HINFP: variants seen among roughly 807,000 people sequenced by gnomAD.
HINFP encodes MBD2 (methyl-CpG-binding protein)-interacting zinc finger protein.
A neutral mutation model predicts 50.1 loss-of-function variants in HINFP; 20 were observed. The ratio of observed to expected loss-of-function variants is 0.40; its 90% CI spans 0.28 to 0.58. The LOEUF (loss-of-function observed/expected upper bound fraction) is 0.58, where lower values mean the gene tolerates loss of function less well. HINFP is among the 20% of genes least tolerant of loss of function. The probability of loss-of-function intolerance (pLI) is 0.45; values close to 1 mark genes in which losing one functional copy is unlikely to be tolerated. For synonymous variants in HINFP, 247 were observed against 243.7 expected (o/e 1.01, Z -0.13); for missense variants, 505 against 664.1 (o/e 0.76, Z 2.63).
At chr11:119,129,551 C>T (rs539055543) in intron 2 of HINFP, among the ~76,000 whole-genome samples, 1 of 149,494 alleles carries the variant, frequency 6.7e-6, no homozygotes, top group Non-Finnish European at 1.5e-5. Flanking sequence ...AGGTCCGCCT[C>T]CCGGGTTCAT....
At chr11:119,133,283 T>TA (rs1304462204) in intron 9 of HINFP, 64 bp downstream of exon 9, 7 of 1,595,606 alleles carry the variant, frequency 4.4e-6, no homozygotes, top group Non-Finnish European at 6.0e-6. Context: ...CAACCAGTTT[T>TA]AAAAACCTTA....
chr11:119,131,366 G>T lies in HINFP; in HGVS notation c.412-169G>T, dbSNP rs1947743759. On this transcript the variant is annotated intron_variant, in intron 3 of 9. Coordinates refer to ENST00000350777, the MANE Select transcript of HINFP (RefSeq NM_198971.3). The surrounding 1 kb of genome is among the most constrained non-coding windows in gnomAD (Gnocchi z 4.2). ...AGCCTCTCAAAGTGCTGGGATTACA[G>T]GGTTTAGCAACCGCACCCGGCCACT... 2 of 631,178 alleles carry T rather than the reference G, an allele frequency of 3.2e-6. No individual in the cohort carries two copies. The highest frequency in any genetic ancestry group is 1.8e-5 in the African/African-American group (1 of 55,410). 39.1% of individuals were successfully genotyped at this position (631,178 alleles called of 1,614,324 possible). A position where few individuals can be genotyped will look rare whatever the true frequency, so the allele number is the denominator to read the frequency against.
chr11:119,132,798 A>T lies in HINFP; in HGVS notation c.875+17A>T, dbSNP rs765889765. ...TGACTACAGGTAAGGGGGACCAGGG[A>T]CCAGAAAACAGCTCATGTTCCAGTG... On this transcript the variant is annotated intron_variant, in intron 7 of 9. Transcript: ENST00000350777. 1.2e-5 allele frequency: 20 copies of T among 1,613,674 alleles called. No homozygotes were observed. The highest frequency in any genetic ancestry group is 1.7e-5 in the Non-Finnish European group (20 of 1,180,022).
At chr11:119,132,190 G>T in intron 5 of HINFP, 1 of 629,786 alleles carries the variant, frequency 1.6e-6, no homozygotes, top group Non-Finnish European at 2.7e-6. Context: ...CAGTTACTTA[G>T]GGAATCCTCA....
chr11:119,121,697 C>T (rs1329471278), intron 1 of HINFP, 58 bp downstream of exon 1: 1 of 152,520 alleles, frequency 6.6e-6, no homozygotes, highest in African/African-American at 2.4e-5. Flanking sequence ...TCCCGAGCCA[C>T]CTCGGCGAGT....
intron 2 of HINFP, chr11:119,130,313 A>C: frequency 4.5e-6 from 1 of 219,952 alleles, no homozygotes; most frequent in Non-Finnish European, 9.1e-6. Flanking sequence ...ATTTACAGAT[A>C]CTCATCCATC....
chr11:119,126,381 C>T (rs1469074911), intron 1 of HINFP: 2 of 145,364 alleles, frequency 1.4e-5, no homozygotes, highest in Non-Finnish European at 3.0e-5. Context: ...AAAGCACCTA[C>T]GGCAAAGGGT....
At chr11:119,123,791 C>A (rs1255219112) in intron 1 of HINFP, 1 of 146,274 alleles carries the variant, frequency 6.8e-6, no homozygotes, top group African/African-American at 2.5e-5. Context: ...CGGCTCACTG[C>A]AACCTCTGTC....
At chr11:119,122,356 A>C (rs1947117585) in intron 1 of HINFP, among the ~76,000 whole-genome samples, 1 of 151,956 alleles carries the variant, frequency 6.6e-6, no homozygotes, top group Non-Finnish European at 1.5e-5. Flanking sequence ...TGTTTAGAAT[A>C]TTTGTGCTCG....
chr11:119,130,351 T>G (rs1278594574), intron 2 of HINFP: 4 of 251,460 alleles, frequency 1.6e-5, no homozygotes, highest in Non-Finnish European at 3.1e-5. Flanking sequence ...ATGGGGACGT[T>G]TCTCAGAACA....
Position 119,131,648 on chromosome 11 carries a change from TA to T in HINFP, c.523+3del. On this transcript the variant is annotated splice_donor_region_variant and intron_variant, in intron 4 of 9. Transcript: ENST00000350777. This position sits in a 1 kb window ranked among gnomAD's most constrained non-coding sequence, Gnocchi z 4.2. Reference sequence around the variant, plus strand: ...CGGTGGTGCTGTGTGGCTGGAAAGGTAGGGCTGCTTCTTAACTTGTGGCTTC... The same window carrying T: ...CGGTGGTGCTGTGTGGCTGGAAAGGTGGGCTGCTTCTTAACTTGTGGCTTC... 6.2e-7 allele frequency: 1 copy of T among 1,612,176 alleles called. No individual in the cohort carries two copies. Among genetic ancestry groups the T allele is most frequent in the Non-Finnish European group, 8.5e-7 (1 of 1,178,382 alleles).
intron 1 of HINFP, among the ~76,000 whole-genome samples, chr11:119,123,353 C>T (rs1947194560): frequency 6.6e-6 from 1 of 152,054 alleles, no homozygotes; most frequent in Non-Finnish European, 1.5e-5. Context: ...AGGGCTGACA[C>T]ACTGTAGCTT....
intron 1 of HINFP, chr11:119,125,026 T>TGC (rs1947308352): frequency 7.4e-6 from 1 of 135,916 alleles, no homozygotes; most frequent in Admixed American, 7.4e-5. Context: ...TGTTTGTGTG[T>TGC]GTGTGTGTGT....
At chr11:119,132,054 G>A (rs1947791142) in intron 5 of HINFP, 72 bp downstream of exon 5, 9 of 1,563,584 alleles carry the variant, frequency 5.8e-6, no homozygotes, top group Admixed American at 1.7e-5. Context: ...TGTTTCTAGT[G>A]GGGGTGGCCA....
Position 119,131,311 on chromosome 11 carries a change from A to C in HINFP, c.412-224A>C, listed in dbSNP as rs534849627. The C allele has an allele frequency of 1.7e-6, 1 of 583,498 alleles. No homozygotes were observed. The highest frequency in any genetic ancestry group is 3.1e-5 in the East Asian group (1 of 32,724). 36.1% of individuals were successfully genotyped at this position (583,498 alleles called of 1,614,324 possible). A position where few individuals can be genotyped will look rare whatever the true frequency, so the allele number is the denominator to read the frequency against. ...GGTGTGTTGCCCAGGCCGGTCTCGA[A>C]CTCTTGGCCTCAAGTGATTCTCCTG... On this transcript the variant is annotated intron_variant, in intron 3 of 9. Coordinates refer to ENST00000350777, the MANE Select transcript of HINFP (RefSeq NM_198971.3). This position sits in a 1 kb window ranked among gnomAD's most constrained non-coding sequence, Gnocchi z 4.2.
intron 9 of HINFP, chr11:119,133,585 A>C: frequency 5.1e-6 from 1 of 197,164 alleles, no homozygotes; most frequent in Non-Finnish European, 1.0e-5. Context: ...TCTCAAAAAT[A>C]AATAAATAAA....
In HINFP at chr11:119,132,980, C is replaced by T; in HGVS notation, c.992C>T (p.Ser331Phe). Residue 331 changes from serine to phenylalanine, a missense_variant, in exon 8 of 10, where the codon TCC becomes TTC. Coordinates refer to ENST00000350777, the MANE Select transcript of HINFP (RefSeq NM_198971.3). ...FSARSLCSIK[S>F]HYRKVHEGDS... ...GCCCGATCCCTCTGCTCTATCAAGT[C>T]CCATTACCGCAAAGTACATGAAGTG... 1.2e-6 allele frequency: 2 copies of T among 1,614,238 alleles called. No homozygotes were observed. Among genetic ancestry groups the T allele is most frequent in the Non-Finnish European group, 1.7e-6 (2 of 1,180,048 alleles).
In HINFP at chr11:119,131,900, G is replaced by A. The variant is rs766670652; in HGVS notation, c.594G>A (p.Val198=). ...EHLRSHTQEK[V]VACPTCGGMF... is the part of the protein sequence containing the mutation. The stretch of plus-strand genomic sequence containing the variant: ...TCCGCAGCCATACCCAGGAGAAAGT[G>A]GTAGCCTGCCCCACCTGTGGGGGCA... Residue 198 remains valine (V), a synonymous_variant, in exon 5 of 10, where the codon GTG becomes GTA. Transcript: ENST00000350777. This position sits in a 1 kb window ranked among gnomAD's most constrained non-coding sequence, Gnocchi z 4.2. 7 of 1,614,202 alleles carry A rather than the reference G, an allele frequency of 4.3e-6. No homozygotes were observed. The East Asian group carries it at 1.1e-4, about 26-fold the overall frequency.
intron 1 of HINFP, 32 bp from the exon 2 acceptor site, chr11:119,126,903 T>C (rs761471678): frequency 7.0e-6 from 11 of 1,569,680 alleles, no homozygotes; most frequent in Non-Finnish European, 9.5e-6. Flanking sequence ...GGTGGAATTC[T>C]TGCAGCTGTG....
Sources: gnomAD v4.1 joint callset for allele counts (sites outside exome capture counted in the v4.1 genomes callset) on GRCh38, gnomAD v4.1.1 for gene constraint, Gnocchi (gnomAD v3.1) non-coding constraint, MANE v1.5 for transcripts, NCBI Gene and HGNC (gene_info 2026-07-23, HGNC 2026-07-21) for gene names.